The following DLGAP1 variants were observed in gnomAD, a reference collection of about 807,000 sequenced individuals.
DLGAP1 encodes the protein disks large-associated protein 1.
In DLGAP1, 11 loss-of-function variants were observed where a neutral mutation model predicts 90.8. That is an observed-to-expected ratio of 0.12 (90% CI 0.08 to 0.20). The LOEUF is 0.20. DLGAP1 is among the 10% of genes least tolerant of loss of function. The pLI is 1.00. For missense variants in DLGAP1, 1,050 were observed against 1,333.8 expected (o/e 0.79, Z 3.31); for synonymous variants, 558 against 540.7 (o/e 1.03, Z -0.44).
At chr18:3,595,073 T>C (rs1599425476) in intron 7 of DLGAP1, among the ~76,000 whole-genome samples, 1 of 152,210 alleles carries the variant, frequency 6.6e-6, no homozygotes, top group Admixed American at 6.5e-5. Context: ...ATTTGTAACT[T>C]GCCTTCTTCC....
rs76782855 is a variant in DLGAP1 at position 3,749,982 on chromosome 18, T to C, written c.1173-7470A>G. ...TCTCTCTTTCCTTGTTTCCAACTTT[T>C]TGGATTTGGGGTTACATGTGCAGGT... On this transcript the variant is annotated intron_variant, in intron 5 of 12. Coordinates refer to ENST00000315677, the MANE Select transcript of DLGAP1 (RefSeq NM_004746.4). Among the ~76,000 whole-genome samples the C allele has an allele frequency of 5.3e-5, 8 of 152,354 alleles. No individual in the cohort carries two copies. The East Asian group carries it at 1.5e-3, about 29-fold the overall frequency.
At chr18:3,874,000 C>T in intron 4 of DLGAP1, 1 of 1,395,200 alleles carries the variant, frequency 7.2e-7, no homozygotes, top group Non-Finnish European at 9.5e-7. Context: ...TCTGTGCACA[C>T]ATTAATTTGT....
At chr18:4,317,973 G>C (rs1296565971) in intron 1 of DLGAP1, among the ~76,000 whole-genome samples, 1 of 152,098 alleles carries the variant, frequency 6.6e-6, no homozygotes, top group Non-Finnish European at 1.5e-5. Context: ...TCAGCCTCCT[G>C]AGTAGCTGGG....
chr18:3,792,547 A>C (rs1367654339), intron 5 of DLGAP1, among the ~76,000 whole-genome samples: 1 of 151,900 alleles, frequency 6.6e-6, no homozygotes, highest in Non-Finnish European at 1.5e-5. Context: ...TTGACCTCTT[A>C]CTTCCCTTCT....
intron 1 of DLGAP1, among the ~76,000 whole-genome samples, chr18:4,221,225 T>C (rs1477231625): frequency 6.6e-6 from 1 of 152,158 alleles, no homozygotes; most frequent in Non-Finnish European, 1.5e-5. Context: ...TTCCCACATA[T>C]TCAATAATTT....
intron 1 of DLGAP1, among the ~76,000 whole-genome samples, chr18:4,351,951 C>T (rs1004217850): frequency 3.9e-5 from 6 of 152,138 alleles, no homozygotes; most frequent in African/African-American, 1.2e-4. Context: ...TCCTACCTCA[C>T]GGATTGCCTT....
chr18:4,336,310 ACT>A (rs1213876161), intron 1 of DLGAP1, among the ~76,000 whole-genome samples: 1 of 152,174 alleles, frequency 6.6e-6, no homozygotes, highest in African/African-American at 2.4e-5. Flanking sequence ...ATAGAGGTGG[ACT>A]CTGTTAGCTC....
At chr18:4,218,449 A>G (rs2078005034) in intron 1 of DLGAP1, among the ~76,000 whole-genome samples, 1 of 151,908 alleles carries the variant, frequency 6.6e-6, no homozygotes, top group Admixed American at 6.6e-5. Context: ...ACCTCATATA[A>G]CTTATCTTTT....
intron 1 of DLGAP1, among the ~76,000 whole-genome samples, chr18:4,171,113 C>T (rs1256685268): frequency 6.7e-6 from 1 of 149,120 alleles, no homozygotes; most frequent in Non-Finnish European, 1.5e-5. Context: ...ACCAACAATA[C>T]AACGTCTGCA....
intron 7 of DLGAP1, among the ~76,000 whole-genome samples, chr18:3,592,866 AAGAAAAAG>A (rs2056340462): frequency 9.2e-6 from 1 of 108,952 alleles, no homozygotes; most frequent in Non-Finnish European, 1.8e-5. Context: ...AAAAAAAAAA[AAGAAAAAG>A]AAAGAAAGAA....
chr18:4,130,027 G>A (rs1488369993), intron 2 of DLGAP1, among the ~76,000 whole-genome samples: 1 of 152,090 alleles, frequency 6.6e-6, no homozygotes, highest in Non-Finnish European at 1.5e-5. Flanking sequence ...CATTTGACCA[G>A]CTTTTCACCA....
At chr18:3,761,689 C>T (rs2063973196) in intron 5 of DLGAP1, among the ~76,000 whole-genome samples, 1 of 152,052 alleles carries the variant, frequency 6.6e-6, no homozygotes, top group Admixed American at 6.5e-5. Flanking sequence ...TATTCTCCTG[C>T]TTCAGCCTCC....
At position 3,543,964 on chromosome 18, in the gene DLGAP1, G is replaced by C. The variant is rs1188658019; in HGVS notation, c.2058-9349C>G. 4.1e-5 allele frequency among the ~76,000 whole-genome samples: 6 copies of C among 148,146 alleles called. No individual in the cohort carries two copies. In the East Asian group the frequency reaches 1.2e-3, roughly 29 times the overall value. ...TTCAATGCATGACTATCCAAGACTGGGATATCTTTATTCCTCTTTAGAAAA... is the reference window on the plus strand; with the variant it reads ...TTCAATGCATGACTATCCAAGACTGCGATATCTTTATTCCTCTTTAGAAAA... On this transcript the variant is annotated intron_variant, in intron 9 of 12. Transcript: ENST00000315677.
Position 4,339,297 on chromosome 18 carries a change from G to C in DLGAP1, c.-267+115709C>G, listed in dbSNP as rs1416809299. On this transcript the variant is annotated intron_variant, in intron 1 of 12. Coordinates refer to ENST00000315677, the MANE Select transcript of DLGAP1 (RefSeq NM_004746.4). ...CGAGAACACATGGACACAGACAGGGGAATAACACACACTGTTTTGTGTGTG... is the reference window on the plus strand; with the variant it reads ...CGAGAACACATGGACACAGACAGGGCAATAACACACACTGTTTTGTGTGTG... 2.6e-5 allele frequency among the ~76,000 whole-genome samples: 4 copies of C among 152,150 alleles called. No individual in the cohort carries two copies. In the East Asian group the frequency reaches 7.7e-4, roughly 29 times the overall value.
chr18:3,743,139 T>C (rs865828907), intron 5 of DLGAP1, among the ~76,000 whole-genome samples: 4 of 152,120 alleles, frequency 2.6e-5, no homozygotes, highest in South Asian at 2.1e-4. Context: ...CTAGGATGCA[T>C]TGTAAAATTA....
intron 5 of DLGAP1, among the ~76,000 whole-genome samples, chr18:3,804,534 G>T (rs1433469497): frequency 6.6e-6 from 1 of 152,204 alleles, no homozygotes; most frequent in African/African-American, 2.4e-5. Flanking sequence ...GCCTCCAGGT[G>T]GGCTGGCAAT....
intron 6 of DLGAP1, among the ~76,000 whole-genome samples, chr18:3,736,591 C>T (rs1250668188): frequency 6.6e-6 from 1 of 152,184 alleles, no homozygotes; most frequent in Admixed American, 6.5e-5. Context: ...GCTCTAACAT[C>T]TTAAAAGCCA....
At chr18:3,906,942 A>G (rs1333636477) in intron 3 of DLGAP1, among the ~76,000 whole-genome samples, 1 of 152,248 alleles carries the variant, frequency 6.6e-6, no homozygotes, top group Non-Finnish European at 1.5e-5. Context: ...TTGTATTTTA[A>G]AAAAACAACA....
At chr18:3,641,757 C>T (rs1268160045) in intron 7 of DLGAP1, among the ~76,000 whole-genome samples, 1 of 152,042 alleles carries the variant, frequency 6.6e-6, no homozygotes, top group East Asian at 1.9e-4. Context: ...ACATAGCAGT[C>T]CTGTAAGGGC....
Sources: gnomAD v4.1 joint callset for allele counts (sites outside exome capture counted in the v4.1 genomes callset) on GRCh38, gnomAD v4.1.1 for gene constraint, MANE v1.5 for transcripts, NCBI Gene and HGNC (gene_info 2026-07-23, HGNC 2026-07-21) for gene names.